WDPCP: variants seen among roughly 807,000 people sequenced by gnomAD.
WDPCP encodes the protein WD repeat containing planar cell polarity effector, also known as WD repeat-containing and planar cell polarity effector protein fritz homolog.
WDPCP carries 71 observed loss-of-function variants against 93.1 expected under a neutral mutation model. The ratio of observed to expected loss-of-function variants is 0.76; its 90% CI spans 0.63 to 0.93. The LOEUF (loss-of-function observed/expected upper bound fraction) is 0.93. Ranked by LOEUF, WDPCP falls within the 40% of genes least tolerant of loss-of-function variation. WDPCP has a pLI of 0.00. For synonymous variants in WDPCP, 315 were observed against 315.0 expected (o/e 1.00, Z 0.00); for missense variants, 844 against 887.4 (o/e 0.95, Z 0.62).
intron 12 of WDPCP, among the ~76,000 whole-genome samples, chr2:63,365,219 A>G (rs1266183099): frequency 2.0e-5 from 3 of 152,294 alleles, no homozygotes; most frequent in Middle Eastern, 3.4e-3. Flanking sequence ...GAATAAGTCA[A>G]TGTAGGTAAT....
chr2:63,412,212 G>A (rs1695070695), intron 9 of WDPCP, among the ~76,000 whole-genome samples: 1 of 152,120 alleles, frequency 6.6e-6, no homozygotes, highest in Non-Finnish European at 1.5e-5. Flanking sequence ...CAGGGATGCA[G>A]GGATGGTTTA....
At chr2:63,685,791 T>C (rs1417107677) in intron 2 of WDPCP, among the ~76,000 whole-genome samples, 1 of 152,208 alleles carries the variant, frequency 6.6e-6, no homozygotes, top group Non-Finnish European at 1.5e-5. Context: ...TATGCAAGAA[T>C]GGTTTGATTT....
chr2:63,222,455 C>CTGTT (rs763627628), intron 14 of WDPCP, among the ~76,000 whole-genome samples: 1 of 152,196 alleles, frequency 6.6e-6, no homozygotes, highest in African/African-American at 2.4e-5. Flanking sequence ...ATTAAATACA[C>CTGTT]TGTTTGTTTA....
chr2:63,575,470 G>GTA lies in WDPCP; in HGVS notation c.75+12725_75+12726dup, dbSNP rs1307364814. 3.3e-3 allele frequency among the ~76,000 whole-genome samples: 388 copies of GTA among 119,204 alleles called. 106 individuals carry two copies. Among genetic ancestry groups the GTA allele is most frequent in the African/African-American group, 0.017 (371 of 22,144 alleles). The allele number at this position is 119,204 out of a possible 152,430, so 78.2% of individuals were successfully genotyped here. A position where few individuals can be genotyped will look rare whatever the true frequency, so the allele number is the denominator to read the frequency against. On this transcript the variant is annotated intron_variant, in intron 1 of 17. Coordinates refer to ENST00000272321, the MANE Select transcript of WDPCP (RefSeq NM_015910.7). ...ACACTGTATATACAGTATATATGCA[G>GTA]TATATACAGTGTATATATAGTATAT...
Position 63,425,672 on chromosome 2 carries a change from A to G in WDPCP, c.825+8073T>C, listed in dbSNP as rs1696225417. 2.0e-5 allele frequency among the ~76,000 whole-genome samples: 3 copies of G among 152,268 alleles called. No homozygotes were observed. The South Asian group carries it at 6.2e-4, about 31-fold the overall frequency. ...TCAAATCAACTCAGTAAGACAAACA[A>G]TTTTTAAAAGAATTTTTAAAAATGA... On this transcript the variant is annotated intron_variant, in intron 9 of 17. Coordinates refer to ENST00000272321, the MANE Select transcript of WDPCP (RefSeq NM_015910.7).
chr2:63,766,935 C>T (rs530329247), intron 2 of WDPCP, among the ~76,000 whole-genome samples: 2 of 152,070 alleles, frequency 1.3e-5, no homozygotes, highest in African/African-American at 2.4e-5. Context: ...AACCACTATT[C>T]TACTTTCTGT....
At chr2:63,497,389 C>T (rs548081888) in intron 1 of WDPCP, among the ~76,000 whole-genome samples, 33 of 152,226 alleles carry the variant, frequency 2.2e-4, no homozygotes, top group African/African-American at 7.9e-4. Flanking sequence ...CTTGTGGATT[C>T]CCCAAGATCT....
At chr2:63,174,392 C>T (rs1286968120) in intron 15 of WDPCP, among the ~76,000 whole-genome samples, 9 of 152,012 alleles carry the variant, frequency 5.9e-5, no homozygotes. Flanking sequence ...GCCTAACAAT[C>T]CTAGAATTTA....
chr2:63,590,811 C>T (rs1709184468), upstream of WDPCP: 1 of 152,140 alleles, frequency 6.6e-6, no homozygotes, highest in South Asian at 2.1e-4. Flanking sequence ...ACAGCAAACT[C>T]ACACATGACT....
In WDPCP at chr2:63,121,179, T is replaced by C. The variant is rs1193585242; in HGVS notation, c.*827A>G. 6.6e-6 allele frequency among the ~76,000 whole-genome samples: 1 copy of C among 151,980 alleles called. No homozygotes were observed. The highest frequency in any genetic ancestry group is 2.4e-5 in the African/African-American group (1 of 41,376). On this transcript the variant is annotated 3_prime_UTR_variant, in exon 18 of 18. Transcript: ENST00000272321. ...AAAAGTTGATAAGCATGCCTGCCCC[T>C]TTCTCCAGAGGGAAACAGTATCTGT... is the stretch of plus-strand genomic sequence containing the variant.
chr2:63,426,747 C>A (rs1696331499), intron 9 of WDPCP, among the ~76,000 whole-genome samples: 1 of 152,162 alleles, frequency 6.6e-6, no homozygotes, highest in Admixed American at 6.5e-5. Context: ...CCTGACATCC[C>A]ACTTAAAAGG....
At chr2:63,366,019 C>G (rs1246144324) in intron 12 of WDPCP, among the ~76,000 whole-genome samples, 2 of 152,126 alleles carry the variant, frequency 1.3e-5, no homozygotes, top group Non-Finnish European at 2.9e-5. Flanking sequence ...CTTGTCTACT[C>G]AAAGGTGCCT....
intron 1 of WDPCP, among the ~76,000 whole-genome samples, chr2:63,493,863 G>T (rs142539452): frequency 4.6e-5 from 7 of 152,172 alleles, no homozygotes; most frequent in African/African-American, 1.2e-4. Flanking sequence ...AATCAGGAAA[G>T]AAATGTTCTT....
upstream of WDPCP, among the ~76,000 whole-genome samples, chr2:63,830,149 ATAAAG>A (rs1223712382): frequency 1.3e-5 from 2 of 152,154 alleles, no homozygotes; most frequent in African/African-American, 4.8e-5. Flanking sequence ...ATGATATTTC[ATAAAG>A]TAAATTTACT....
intron 2 of WDPCP, among the ~76,000 whole-genome samples, chr2:63,764,684 G>A (rs1670112649): frequency 6.6e-6 from 1 of 152,178 alleles, no homozygotes; most frequent in Non-Finnish European, 1.5e-5. Flanking sequence ...TTCTTGATGA[G>A]GAATTTGTGC....
At chr2:63,220,386 G>A (rs1241981191) in intron 14 of WDPCP, among the ~76,000 whole-genome samples, 1 of 152,118 alleles carries the variant, frequency 6.6e-6, no homozygotes, top group Non-Finnish European at 1.5e-5. Context: ...AATATTAGGT[G>A]GTTGGTTACA....
intron 12 of WDPCP, among the ~76,000 whole-genome samples, chr2:63,352,593 G>C (rs879120283): frequency 6.6e-6 from 1 of 152,166 alleles, no homozygotes; most frequent in Non-Finnish European, 1.5e-5. Flanking sequence ...AGTTGTACTT[G>C]ACAAGACAAC....
chr2:63,316,982 T>G (rs1686691135), intron 12 of WDPCP, among the ~76,000 whole-genome samples: 2 of 152,292 alleles, frequency 1.3e-5, no homozygotes, highest in South Asian at 2.1e-4. Flanking sequence ...GGAATACAGC[T>G]AACCAGGGAG....
chr2:63,596,142 A>C (rs562811213), intron 3 of WDPCP, among the ~76,000 whole-genome samples: 1 of 152,214 alleles, frequency 6.6e-6, no homozygotes, highest in South Asian at 2.1e-4. Flanking sequence ...TTTGATCGAA[A>C]AGTTTATTAA....
Sources: gnomAD v4.1 joint callset for allele counts (sites outside exome capture counted in the v4.1 genomes callset) on GRCh38, gnomAD v4.1.1 for gene constraint, MANE v1.5 for transcripts, NCBI Gene and HGNC (gene_info 2026-07-23, HGNC 2026-07-21) for gene names.